HOXA5: variants seen among roughly 807,000 people sequenced by gnomAD.
HOXA5 encodes homeobox protein Hox-A5.
In HOXA5, 12 loss-of-function variants were observed where a neutral mutation model predicts 20.0. The ratio of observed to expected loss-of-function variants is 0.60; its 90% CI spans 0.38 to 0.97. HOXA5 has a LOEUF of 0.97. Ranked by LOEUF, HOXA5 falls within the 50% of genes least tolerant of loss-of-function variation. The pLI, the probability that HOXA5 is intolerant of heterozygous loss-of-function variation, is 0.00. For synonymous variants in HOXA5, 159 were observed against 157.7 expected, an observed-to-expected ratio of 1.01 and a Z score of -0.06; for missense variants, 352 against 380.3, an observed-to-expected ratio of 0.93 and a Z score of 0.62.
rs572966051 is a variant in HOXA5, at chr7:27,141,787, C to G, written c.*48G>C. 8 of 1,593,906 alleles carry G rather than the reference C, an allele frequency of 5.0e-6. No homozygotes were observed. In the South Asian group the frequency reaches 9.2e-5, roughly 18 times the overall value. On this transcript the variant is annotated 3_prime_UTR_variant, in exon 2 of 2. Coordinates refer to ENST00000222726, the MANE Select transcript of HOXA5 (RefSeq NM_019102.4). ...TCAGAAAGTCACCTTAGTACTGACA[C>G]TACGCGGGATCCGCTAATACTGCTC...
rs774027410 is a variant in HOXA5 at position 27,143,476 on chromosome 7, C to A, written c.132G>T (p.Arg44Ser). 8 of 1,613,884 alleles carry A rather than the reference C, an allele frequency of 5.0e-6. No individual in the cohort carries two copies. Among genetic ancestry groups the A allele is most frequent in the Non-Finnish European group, 6.8e-6 (8 of 1,179,944 alleles). ...CCATGCCATTGTAGCCGTAGCCGTACCTGCCGGAGTGCATGCTCGCCGAGT... is the reference window on the plus strand; with the variant it reads ...CCATGCCATTGTAGCCGTAGCCGTAACTGCCGGAGTGCATGCTCGCCGAGT... ...FRDSASMHSGRYGYGYNGMDL... is the reference protein window; with the variant it reads ...FRDSASMHSGSYGYGYNGMDL... The change falls in exon 1 of 2, where the codon AGG becomes AGT. Residue 44 changes from arginine to serine, a missense_variant. Arg to Ser is a moderately radical substitution (Grantham distance 110). Coordinates refer to ENST00000222726, the MANE Select transcript of HOXA5 (RefSeq NM_019102.4).
Position 27,143,490 on chromosome 7 carries a change from T to G in HOXA5, c.118A>C (p.Met40Leu). 1 of 1,613,886 alleles carries G rather than the reference T, an allele frequency of 6.2e-7. No homozygotes were observed. The highest frequency in any genetic ancestry group is 8.5e-7 in the Non-Finnish European group (1 of 1,179,948). The change falls in exon 1 of 2, where the codon ATG becomes CTG. Residue 40 changes from methionine (M) to leucine (L), a missense_variant. By Grantham distance (15) the Met-to-Leu change is conservative. Around this residue, in one of 3 missense-constraint regions of HOXA5, gnomAD observed 319 missense variants for 336.5 expected, o/e 0.95. Transcript: ENST00000222726. ...CCGTAGCCGTACCTGCCGGAGTGCA[T>G]GCTCGCCGAGTCCCTGAATTGCTCG... ...VSEQFRDSAS[M>L]HSGRYGYGYN...
Position 27,141,557 on chromosome 7 carries a change from G to T in HOXA5, c.*278C>A, listed in dbSNP as rs1782570340. ...TTTTCTCTTTTCTTTTTTTGTTATA[G>T]TTACTTCAAGTAACACAGCTTGCTT... On this transcript the variant is annotated 3_prime_UTR_variant, in exon 2 of 2. Coordinates refer to ENST00000222726, the MANE Select transcript of HOXA5 (RefSeq NM_019102.4). The T allele has an allele frequency of 3.5e-6, 1 of 283,680 alleles. No individual in the cohort carries two copies. The highest frequency in any genetic ancestry group is 6.6e-6 in the Non-Finnish European group (1 of 152,116). The allele number at this position is 283,680 out of a possible 1,614,324, so 17.6% of individuals were successfully genotyped here.
chr7:27,142,091 A>G lies in HOXA5; in HGVS notation c.563-6T>C. On this transcript the variant is annotated splice_polypyrimidine_tract_variant and splice_region_variant and intron_variant, in intron 1 of 1. Coordinates refer to ENST00000222726, the MANE Select transcript of HOXA5 (RefSeq NM_019102.4). ...TTCCGGGCCGCCTATGTTGTCTGCA[A>G]TAGAAAAGTCAGCGGTTTAGCCACC... The G allele has an allele frequency of 1.2e-6, 2 of 1,611,462 alleles. No homozygotes were observed. The highest frequency in any genetic ancestry group is 1.7e-6 in the Non-Finnish European group (2 of 1,179,272).
In HOXA5 at chr7:27,143,314, G is replaced by A. The variant is rs1456989170; in HGVS notation, c.294C>T (p.Pro98=). ...QPATSTHSPQ[P]DPLPCSAVAP... is the part of the protein sequence containing the mutation. ...CCACGGCGGAGCAGGGCAGCGGATC[G>A]GGCTGAGGAGAGTGCGTGGACGTGG... is the stretch of plus-strand genomic sequence containing the variant. Residue 98 remains proline (P), a synonymous_variant, in exon 1 of 2, where the codon CCC becomes CCT. Coordinates refer to ENST00000222726, the MANE Select transcript of HOXA5 (RefSeq NM_019102.4). 2 of 1,599,258 alleles carry A rather than the reference G, an allele frequency of 1.3e-6. No individual in the cohort carries two copies. The highest frequency in any genetic ancestry group is 4.5e-5 in the East Asian group (2 of 44,568).
At chr7:27,143,003 G>A in intron 1 of HOXA5, 43 bp downstream of exon 1, 2 of 1,458,988 alleles carry the variant, frequency 1.4e-6, no homozygotes, top group Non-Finnish European at 1.8e-6. Flanking sequence ...ACCGAGAGCC[G>A]CGTCCCCGCG....
chr7:27,143,634 T>G lies in HOXA5; in HGVS notation c.-27A>C, dbSNP rs1782654394. The G allele has an allele frequency of 1.3e-6, 2 of 1,565,966 alleles. No homozygotes were observed. Among genetic ancestry groups the G allele is most frequent in the South Asian group, 2.4e-5 (2 of 83,660 alleles). ...TGTTTTTTGATATGTGTGCTTGATT[T>G]GTGGCTCGCGGTCGTTTGTGCGTCT... On this transcript the variant is annotated 5_prime_UTR_variant, in exon 1 of 2. Transcript: ENST00000222726.
In HOXA5 at chr7:27,143,625, T is replaced by C; in HGVS notation, c.-18A>G. On this transcript the variant is annotated 5_prime_UTR_variant, in exon 1 of 2. Coordinates refer to ENST00000222726, the MANE Select transcript of HOXA5 (RefSeq NM_019102.4). The stretch of plus-strand genomic sequence containing the variant: ...GAGCTCATTTGTTTTTTGATATGTG[T>C]GCTTGATTTGTGGCTCGCGGTCGTT... The C allele has an allele frequency of 6.4e-7, 1 of 1,574,718 alleles. No homozygotes were observed. The highest frequency in any genetic ancestry group is 8.6e-7 in the Non-Finnish European group (1 of 1,158,438).
rs575414558 is a variant in HOXA5 at position 27,142,405 on chromosome 7, C to A, written c.563-320G>T. Among the ~76,000 whole-genome samples the A allele has an allele frequency of 8.5e-5, 13 of 152,318 alleles. No individual in the cohort carries two copies. The South Asian group carries it at 2.7e-3, about 32-fold the overall frequency. ...AGGCACAGCCCTCCCAGGCTGCCCA[C>A]CGCACAGAAACCCAGGAAGCAAGGC... On this transcript the variant is annotated intron_variant, in intron 1 of 1. Coordinates refer to ENST00000222726, the MANE Select transcript of HOXA5 (RefSeq NM_019102.4).
In HOXA5 at chr7:27,143,215, G is replaced by A; in HGVS notation, c.393C>T (p.Asp131=). 1 of 1,610,382 alleles carries A rather than the reference G, an allele frequency of 6.2e-7. No homozygotes were observed. Among genetic ancestry groups the A allele is most frequent in the African/African-American group, 1.3e-5 (1 of 74,944 alleles). ...TGCTGCTGATGTGGGTGCTGCCGGC[G>A]TCGGCCGAGGCGCCGCTGGAGTTGC... ...SLSNSSGASA[D]AGSTHISSRE... The change falls in exon 1 of 2, where the codon GAC becomes GAT. Residue 131 remains aspartate, a synonymous_variant. Coordinates refer to ENST00000222726, the MANE Select transcript of HOXA5 (RefSeq NM_019102.4).
Position 27,142,010 on chromosome 7 carries a change from T to A in HOXA5, c.638A>T (p.Glu213Val). 6.2e-7 allele frequency: 1 copy of A among 1,614,226 alleles called. No individual in the cohort carries two copies. The highest frequency in any genetic ancestry group is 1.6e-4 in the Middle Eastern group (1 of 6,062). The change falls in exon 2 of 2, where the codon GAG (glutamate) becomes GTG (valine). Residue 213 changes from glutamate to valine, a missense_variant. Transcript: ENST00000222726. ...TRYQTLELEK[E>V]FHFNRYLTRR... Reference sequence around the variant, plus strand: ...GGTCAGGTAACGGTTGAAGTGGAACTCCTTCTCCAGCTCCAGGGTCTGGTA... The same window carrying A: ...GGTCAGGTAACGGTTGAAGTGGAACACCTTCTCCAGCTCCAGGGTCTGGTA...
At position 27,143,422 on chromosome 7, in the gene HOXA5, G is replaced by A. The variant is rs376356041; in HGVS notation, c.186C>T (p.Gly62=). ...MDLSVGRSGS[G]HFGSGERARS... The stretch of plus-strand genomic sequence containing the variant: ...GGGCGCGCTCTCCGGAGCCAAAGTG[G>A]CCGGAGCCCGAGCGGCCGACGCTGA... The change falls in exon 1 of 2, where the codon GGC becomes GGT. Residue 62 remains glycine, a synonymous_variant. Transcript: ENST00000222726. 3.7e-6 allele frequency: 6 copies of A among 1,612,218 alleles called. No individual in the cohort carries two copies. Among genetic ancestry groups the A allele is most frequent in the Non-Finnish European group, 5.1e-6 (6 of 1,179,670 alleles).
chr7:27,142,088 G>A lies in HOXA5; in HGVS notation c.563-3C>T. On this transcript the variant is annotated splice_polypyrimidine_tract_variant and splice_region_variant and intron_variant, in intron 1 of 1. Transcript: ENST00000222726. ...GCCTTCCGGGCCGCCTATGTTGTCTGCAATAGAAAAGTCAGCGGTTTAGCC... is the reference window on the plus strand; with the variant it reads ...GCCTTCCGGGCCGCCTATGTTGTCTACAATAGAAAAGTCAGCGGTTTAGCC... 1 of 1,611,846 alleles carries A rather than the reference G, an allele frequency of 6.2e-7. No homozygotes were observed. Among genetic ancestry groups the A allele is most frequent in the Non-Finnish European group, 8.5e-7 (1 of 1,179,490 alleles).
Position 27,143,261 on chromosome 7 carries a change from T to C in HOXA5, c.347A>G (p.His116Arg). The C allele has an allele frequency of 6.2e-7, 1 of 1,608,044 alleles. No homozygotes were observed. The change falls in exon 1 of 2, where the codon CAC (histidine) becomes CGC (arginine). Residue 116 changes from histidine (H) to arginine (R), a missense_variant. His to Arg is a conservative substitution (Grantham distance 29). This residue lies in a region of HOXA5 where 319 missense variants were observed against 336.5 expected (regional missense o/e 0.95). Transcript: ENST00000222726. The part of the protein sequence containing the change: ...VAPSPGSDSH[H>R]GGKNSLSNSS... Reference sequence around the variant, plus strand: ...GTTGCTTAGGGAGTTTTTCCCGCCGTGGTGGCTGTCGCTGCCGGGCGAGGG... The same window carrying C: ...GTTGCTTAGGGAGTTTTTCCCGCCGCGGTGGCTGTCGCTGCCGGGCGAGGG...
In HOXA5 at chr7:27,143,186, T is replaced by C. The variant is rs1782635387; in HGVS notation, c.422A>G (p.Glu141Gly). 2 of 1,611,134 alleles carry C rather than the reference T, an allele frequency of 1.2e-6. No individual in the cohort carries two copies. The highest frequency in any genetic ancestry group is 1.1e-5 in the South Asian group (1 of 90,882). ...GGCTCCGGACGCCGTGCCAACCCCC[T>C]CTCTGCTGCTGATGTGGGTGCTGCC... The part of the protein sequence containing the change: ...DAGSTHISSR[E>G]GVGTASGAEE... The change falls in exon 1 of 2, where the codon GAG becomes GGG. Residue 141 changes from glutamate (E) to glycine (G), a missense_variant. By Grantham distance (98) the Glu-to-Gly change is moderately conservative. This residue lies in a region of HOXA5 where 319 missense variants were observed against 336.5 expected (regional missense o/e 0.95). Transcript: ENST00000222726.
rs186277638 is a variant in HOXA5 at position 27,141,375 on chromosome 7, A to G, written c.*460T>C. 767 of 159,416 alleles carry G rather than the reference A, an allele frequency of 4.8e-3. 9 individuals carry two copies. Among genetic ancestry groups the G allele is most frequent in the African/African-American group, 0.017 (711 of 41,604 alleles). The allele number at this position is 159,416 out of a possible 1,614,324, so 9.9% of individuals were successfully genotyped here. A position where few individuals can be genotyped will look rare whatever the true frequency, so the allele number is the denominator to read the frequency against. ...AGTCACCTCTACAACAGCATTAATT[A>G]CACAAGGAATATAGGTAGTTTGAAT... is the stretch of plus-strand genomic sequence containing the variant. On this transcript the variant is annotated 3_prime_UTR_variant, in exon 2 of 2. Coordinates refer to ENST00000222726, the MANE Select transcript of HOXA5 (RefSeq NM_019102.4).
chr7:27,141,827 T>G lies in HOXA5; in HGVS notation c.*8A>C, dbSNP rs1436920804. The G allele has an allele frequency of 2.0e-5, 32 of 1,613,440 alleles. No individual in the cohort carries two copies. Among genetic ancestry groups the G allele is most frequent in the Non-Finnish European group, 2.5e-5 (30 of 1,179,896 alleles). On this transcript the variant is annotated 3_prime_UTR_variant, in exon 2 of 2. Coordinates refer to ENST00000222726, the MANE Select transcript of HOXA5 (RefSeq NM_019102.4). Reference sequence around the variant, plus strand: ...TAATACTGCTCAGTACTTTAAACGCTCAGATACTCAGGGACGGAAGGCCCC... The same window carrying G: ...TAATACTGCTCAGTACTTTAAACGCGCAGATACTCAGGGACGGAAGGCCCC...
chr7:27,142,509 C>A (rs1782605375), intron 1 of HOXA5, among the ~76,000 whole-genome samples: 1 of 152,196 alleles, frequency 6.6e-6, no homozygotes, highest in Non-Finnish European at 1.5e-5. Context: ...CCGTTTCCAG[C>A]CTGCAGGGTT....
chr7:27,143,052 T>C lies in HOXA5; in HGVS notation c.556A>G (p.Ser186Gly). The change falls in exon 1 of 2, where the codon AGT becomes GGT. Residue 186 changes from serine (S) to glycine (G), a missense_variant. Coordinates refer to ENST00000222726, the MANE Select transcript of HOXA5 (RefSeq NM_019102.4). ...IYPWMRKLHISHDNIGGPEGK... is the reference protein window; with the variant it reads ...IYPWMRKLHIGHDNIGGPEGK... ...AGAAAAAGGCTGGCTTTACCATGACTTATGTGCAGCTTGCGCATCCAGGGG... is the reference window on the plus strand; with the variant it reads ...AGAAAAAGGCTGGCTTTACCATGACCTATGTGCAGCTTGCGCATCCAGGGG... The C allele has an allele frequency of 6.6e-7, 1 of 1,525,394 alleles. No individual in the cohort carries two copies. The highest frequency in any genetic ancestry group is 2.3e-5 in the East Asian group (1 of 42,600). The allele number at this position is 1,525,394 out of a possible 1,614,324, so 94.5% of individuals were successfully genotyped here.
Sources: gnomAD v4.1 joint callset for allele counts (sites outside exome capture counted in the v4.1 genomes callset) on GRCh38, gnomAD v4.1.1 for gene constraint, gnomAD v4.1.1 regional missense constraint, MANE v1.5 for transcripts, NCBI Gene and HGNC (gene_info 2026-07-23, HGNC 2026-07-21) for gene names.